Variants in MLLT3 observed in about 807,000 individuals in gnomAD.
MLLT3 encodes protein AF-9.
In MLLT3, 4 loss-of-function variants were observed where a neutral mutation model predicts 53.2. The ratio of observed to expected loss-of-function variants is 0.08; its 90% CI spans 0.04 to 0.17. The LOEUF (loss-of-function observed/expected upper bound fraction) is 0.17. Among genes scored for constraint, MLLT3 ranks in the 10% least tolerant of loss-of-function variants. MLLT3 has a pLI of 1.00. For synonymous variants in MLLT3, 283 were observed against 230.6 expected (o/e 1.23, Z -2.06); for missense variants, 569 against 684.0 (o/e 0.83, Z 1.87).
At chr9:20,498,909 C>A (rs1825149889) in intron 2 of MLLT3, among the ~76,000 whole-genome samples, 1 of 152,154 alleles carries the variant, frequency 6.6e-6, no homozygotes, top group Admixed American at 6.5e-5. Flanking sequence ...ATTCCTAGGG[C>A]TATTGTAACA....
chr9:20,622,401 T>C lies in MLLT3; in HGVS notation c.-145A>G. 1.4e-6 allele frequency: 1 copy of C among 734,320 alleles called. No individual in the cohort carries two copies. The highest frequency in any genetic ancestry group is 2.1e-6 in the Non-Finnish European group (1 of 467,062). The allele number at this position is 734,320 out of a possible 1,614,324, so 45.5% of individuals were successfully genotyped here. ...AGATGGCGGACATTCTCTGCCTTTT[T>C]CCCCCCGCGCTCGCTTGCTCGCTCG... On this transcript the variant is annotated 5_prime_UTR_variant, in exon 1 of 11. Coordinates refer to ENST00000380338, the MANE Select transcript of MLLT3 (RefSeq NM_004529.4).
intron 2 of MLLT3, among the ~76,000 whole-genome samples, chr9:20,532,318 A>ATAT (rs34982877): frequency 0.026 from 3,960 of 151,634 alleles, 189 homozygotes; most frequent in African/African-American, 0.09. Context: ...AGGAAAAAAA[A>ATAT]ATATATATAT....
At chr9:20,617,423 G>A (rs1362211140) in intron 2 of MLLT3, among the ~76,000 whole-genome samples, 2 of 152,012 alleles carry the variant, frequency 1.3e-5, no homozygotes. Flanking sequence ...TCCTACCAGT[G>A]GCCAAATTAG....
chr9:20,523,108 A>G (rs1426133116), intron 2 of MLLT3, among the ~76,000 whole-genome samples: 1 of 152,244 alleles, frequency 6.6e-6, no homozygotes, highest in Admixed American at 6.5e-5. Context: ...ATGGCAAATA[A>G]GCACATTAAA....
intron 2 of MLLT3, among the ~76,000 whole-genome samples, chr9:20,510,476 G>A (rs1330863060): frequency 6.6e-6 from 1 of 152,036 alleles, no homozygotes; most frequent in Non-Finnish European, 1.5e-5. Context: ...GCCAGGTGTG[G>A]TGGAGTGCAC....
intron 5 of MLLT3, among the ~76,000 whole-genome samples, chr9:20,366,478 T>A (rs1396111430): frequency 1.3e-5 from 2 of 152,236 alleles, no homozygotes; most frequent in African/African-American, 4.8e-5. Flanking sequence ...AAGTCTTTGC[T>A]ATTGTGAATA....
intron 5 of MLLT3, among the ~76,000 whole-genome samples, chr9:20,398,974 C>T (rs1394466172): frequency 6.6e-6 from 1 of 152,144 alleles, no homozygotes; most frequent in East Asian, 1.9e-4. Flanking sequence ...CCTTGGCTGG[C>T]TTATGTACTC....
At position 20,620,481 on chromosome 9, in the gene MLLT3, G is replaced by T. The variant is rs1286536741; in HGVS notation, c.193+173C>A. 6.6e-6 allele frequency among the ~76,000 whole-genome samples: 1 copy of T among 150,778 alleles called. No individual in the cohort carries two copies. The highest frequency in any genetic ancestry group is 1.5e-5 in the Non-Finnish European group (1 of 67,626). On this transcript the variant is annotated intron_variant, in intron 2 of 10. Coordinates refer to ENST00000380338, the MANE Select transcript of MLLT3 (RefSeq NM_004529.4). This position sits in a 1 kb window ranked among gnomAD's most constrained non-coding sequence, Gnocchi z 6.1. ...CTTTCACCAAGCCGAAGTGGCGCGC[G>T]CGCGGGCAGGCGGGAGCCGGGACCT...
intron 4 of MLLT3, among the ~76,000 whole-genome samples, chr9:20,423,292 A>G (rs1369758372): frequency 6.6e-6 from 1 of 152,222 alleles, no homozygotes; most frequent in Non-Finnish European, 1.5e-5. Flanking sequence ...TGGGCCAGAA[A>G]TGAAAGAAGA....
chr9:20,526,729 G>A (rs1818213588), intron 2 of MLLT3, among the ~76,000 whole-genome samples: 1 of 152,102 alleles, frequency 6.6e-6, no homozygotes, highest in Non-Finnish European at 1.5e-5. Flanking sequence ...TAACTTTACT[G>A]GCAGTTTTCC....
chr9:20,604,355 T>C (rs1408395392), intron 2 of MLLT3, among the ~76,000 whole-genome samples: 4 of 152,060 alleles, frequency 2.6e-5, no homozygotes, highest in Admixed American at 6.6e-5. Flanking sequence ...TTATCAAGGA[T>C]TATAAGTCAA....
At position 20,342,650 on chromosome 9, in the gene MLLT3, C is replaced by T. The variant is rs138955831; in HGVS notation, c.*3793G>A. 5.8e-3 allele frequency: 1,241 copies of T among 214,390 alleles called. 36 individuals carry two copies. Among genetic ancestry groups the T allele is most frequent in the Admixed American group, 0.04 (677 of 17,090 alleles). The allele number at this position is 214,390 out of a possible 1,614,324, so 13.3% of individuals were successfully genotyped here. A position where few individuals can be genotyped will look rare whatever the true frequency, so the allele number is the denominator to read the frequency against. ...CAAGGAATATTCAGGGATGGCAGTG[C>T]CTACATAATAAAAAGCATCATATAA... On this transcript the variant is annotated 3_prime_UTR_variant, in exon 11 of 11. Coordinates refer to ENST00000380338, the MANE Select transcript of MLLT3 (RefSeq NM_004529.4).
At chr9:20,583,783 G>T (rs1189268742) in intron 2 of MLLT3, among the ~76,000 whole-genome samples, 2 of 152,158 alleles carry the variant, frequency 1.3e-5, no homozygotes, top group Non-Finnish European at 2.9e-5. Flanking sequence ...CCTGGGCCCA[G>T]CCCACAAAAC....
chr9:20,583,155 G>C (rs1038713352), intron 2 of MLLT3, among the ~76,000 whole-genome samples: 5 of 152,068 alleles, frequency 3.3e-5, no homozygotes, highest in Non-Finnish European at 7.4e-5. Flanking sequence ...GCCAAACAAA[G>C]GAGTTACAGG....
chr9:20,458,323 T>A (rs963626831), intron 2 of MLLT3, among the ~76,000 whole-genome samples: 1 of 152,158 alleles, frequency 6.6e-6, no homozygotes, highest in Non-Finnish European at 1.5e-5. Context: ...CTCAAGAAGA[T>A]AGAGTGTCAA....
intron 2 of MLLT3, among the ~76,000 whole-genome samples, chr9:20,536,204 A>AAAAC (rs554641778): frequency 1.3e-5 from 2 of 151,890 alleles, no homozygotes; most frequent in Admixed American, 6.6e-5. Flanking sequence ...AAAACAAAAC[A>AAAAC]AAAAAACTGG....
chr9:20,580,745 G>A lies in MLLT3; in HGVS notation c.193+39909C>T, dbSNP rs190383638. Among the ~76,000 whole-genome samples, 552 of 152,230 alleles carry A rather than the reference G, an allele frequency of 3.6e-3. 7 individuals are homozygous for A. The highest frequency in any genetic ancestry group is 0.013 in the African/African-American group (532 of 41,542). ...GCTAGAGGTAAAGCCTTGAAATAAA[G>A]CAGTCAAAATTCATTTTTGTATAAA... On this transcript the variant is annotated intron_variant, in intron 2 of 10. Coordinates refer to ENST00000380338, the MANE Select transcript of MLLT3 (RefSeq NM_004529.4).
At chr9:20,559,076 G>GGACCAGGAAAGCCC (rs1204524940) in intron 2 of MLLT3, among the ~76,000 whole-genome samples, 1 of 152,172 alleles carries the variant, frequency 6.6e-6, no homozygotes, top group Non-Finnish European at 1.5e-5. Context: ...GAACCCTGTA[G>GGACCAGGAAAGCCC]CAGGAAAATG....
At chr9:20,469,370 T>C (rs1318517842) in intron 2 of MLLT3, among the ~76,000 whole-genome samples, 1 of 152,174 alleles carries the variant, frequency 6.6e-6, no homozygotes, top group Non-Finnish European at 1.5e-5. Context: ...AAAAAGCTCT[T>C]GAATGTTATG....
Sources: gnomAD v4.1 joint callset for allele counts (sites outside exome capture counted in the v4.1 genomes callset) on GRCh38, gnomAD v4.1.1 for gene constraint, Gnocchi (gnomAD v3.1) non-coding constraint, MANE v1.5 for transcripts, NCBI Gene and HGNC (gene_info 2026-07-23, HGNC 2026-07-21) for gene names.